The following RALGAPA1 variants were observed in gnomAD, a reference collection of about 807,000 sequenced individuals.
RALGAPA1 encodes Ral GTPase activating protein catalytic subunit alpha 1, also known as ral GTPase-activating protein subunit alpha-1.
RALGAPA1 carries 52 observed loss-of-function variants against 269.6 expected under a neutral mutation model. The ratio of observed to expected loss-of-function variants is 0.19; its 90% CI spans 0.15 to 0.24. RALGAPA1 has a LOEUF of 0.24. RALGAPA1 is among the 10% of genes least tolerant of loss of function. RALGAPA1 has a pLI of 1.00. For synonymous variants in RALGAPA1, 817 were observed against 1,008.3 expected, an observed-to-expected ratio of 0.81 and a Z score of 3.60; for missense variants, 1,917 against 3,013.9, an observed-to-expected ratio of 0.64 and a Z score of 8.52.
At chr14:35,683,692 T>G (rs2065665114) in intron 21 of RALGAPA1, 117 bp downstream of exon 21, 2 of 781,762 alleles carry the variant, frequency 2.6e-6, no homozygotes, top group Non-Finnish European at 3.9e-6. Flanking sequence ...TAAAGATGAA[T>G]GAAAAAATAT....
At position 35,557,423 on chromosome 14, in the gene RALGAPA1, CA is replaced by C. The variant is rs557748814; in HGVS notation, c.7497-8190del. Among the ~76,000 whole-genome samples, 95 of 151,502 alleles carry C rather than the reference CA, an allele frequency of 6.3e-4. 1 individual carries two copies. The highest frequency in any genetic ancestry group is 2.2e-3 in the African/African-American group (93 of 41,342). ...TTAAGTGCTATAATTATTGGGAATA[CA>C]AAAAAAGTGATTTTATTATCATAGT... On this transcript the variant is annotated intron_variant, in intron 39 of 41. Coordinates refer to ENST00000680220, the MANE Select transcript of RALGAPA1 (RefSeq NM_001346249.2).
At chr14:35,652,936 C>T (rs974739141) in intron 30 of RALGAPA1, among the ~76,000 whole-genome samples, 1 of 152,084 alleles carries the variant, frequency 6.6e-6, no homozygotes, top group South Asian at 2.1e-4. Flanking sequence ...GTATTGTATG[C>T]TATTACATTT....
chr14:35,603,772 CAT>C (rs2059424030), intron 36 of RALGAPA1, among the ~76,000 whole-genome samples: 1 of 151,990 alleles, frequency 6.6e-6, no homozygotes. Context: ...TGTTCTCACT[CAT>C]ATGTGGGAGC....
At chr14:35,542,407 T>G (rs2054095826) in intron 41 of RALGAPA1, 1 of 157,056 alleles carries the variant, frequency 6.4e-6, no homozygotes, top group Non-Finnish European at 1.4e-5. Context: ...AATATTTTCC[T>G]CAAAAACAAT....
intron 11 of RALGAPA1, among the ~76,000 whole-genome samples, chr14:35,739,810 C>T (rs1217879124): frequency 6.6e-6 from 1 of 152,156 alleles, no homozygotes; most frequent in Non-Finnish European, 1.5e-5. Context: ...TACAGACTGA[C>T]CTACAATCTA....
intron 41 of RALGAPA1, among the ~76,000 whole-genome samples, chr14:35,541,504 A>C (rs866561837): frequency 2.6e-5 from 4 of 152,124 alleles, no homozygotes; most frequent in South Asian, 2.1e-4. Context: ...CTGGCCTTCA[A>C]AATACAAGGA....
chr14:35,803,236 G>A (rs2077105417), intron 1 of RALGAPA1, among the ~76,000 whole-genome samples: 2 of 152,180 alleles, frequency 1.3e-5, no homozygotes, highest in South Asian at 4.1e-4. Flanking sequence ...AAGTACAAAG[G>A]CAATTCAGTA....
At chr14:35,574,192 A>G (rs775797474) in intron 37 of RALGAPA1, among the ~76,000 whole-genome samples, 2 of 152,220 alleles carry the variant, frequency 1.3e-5, no homozygotes, top group Admixed American at 1.3e-4. Context: ...AAGACAAGAC[A>G]ACTGAAATAA....
At chr14:35,770,182 G>C (rs1189214182) in intron 4 of RALGAPA1, among the ~76,000 whole-genome samples, 1 of 152,018 alleles carries the variant, frequency 6.6e-6, no homozygotes, top group Admixed American at 6.5e-5. Context: ...GATAATGATC[G>C]CATCAATAGA....
chr14:35,704,453 G>A (rs911430348), intron 16 of RALGAPA1, among the ~76,000 whole-genome samples: 1 of 151,914 alleles, frequency 6.6e-6, no homozygotes, highest in Admixed American at 6.6e-5. Context: ...TTTAAATGCA[G>A]GTAAGTTCCC....
intron 37 of RALGAPA1, among the ~76,000 whole-genome samples, chr14:35,582,002 G>C (rs1309536525): frequency 6.6e-6 from 1 of 151,976 alleles, no homozygotes; most frequent in Non-Finnish European, 1.5e-5. Context: ...CAGATGAATG[G>C]GTAAACAAAA....
At chr14:35,804,210 C>T (rs1054584419) in intron 1 of RALGAPA1, among the ~76,000 whole-genome samples, 1 of 151,830 alleles carries the variant, frequency 6.6e-6, no homozygotes, top group Non-Finnish European at 1.5e-5. Flanking sequence ...TGCAGTGAGC[C>T]AAGATCAAGC....
At chr14:35,658,737 G>C (rs999771937) in intron 28 of RALGAPA1, among the ~76,000 whole-genome samples, 1 of 150,766 alleles carries the variant, frequency 6.6e-6, no homozygotes, top group African/African-American at 2.4e-5. Flanking sequence ...TATTTTCTTA[G>C]ATATATTACT....
intron 7 of RALGAPA1, among the ~76,000 whole-genome samples, chr14:35,752,439 C>T (rs928835362): frequency 1.3e-5 from 2 of 152,130 alleles, no homozygotes. Context: ...AAAGTTCTTT[C>T]CCTTTTGCCC....
At position 35,627,284 on chromosome 14, in the gene RALGAPA1, T is replaced by C. The variant is rs765172895; in HGVS notation, c.6663A>G (p.Glu2221=). 6.2e-7 allele frequency: 1 copy of C among 1,608,772 alleles called. No individual in the cohort carries two copies. Residue 2221 remains glutamate (E), a synonymous_variant, in exon 34 of 42, where the codon GAA becomes GAG. Coordinates refer to ENST00000680220, the MANE Select transcript of RALGAPA1 (RefSeq NM_001346249.2). The part of the protein sequence containing the change: ...IPAPQPVCIS[E]KQENDVINAI... ...CATTAATAACATCATTTTCTTGTTT[T>C]TCAGAAATGCACACAGGTTGTGGAG...
chr14:35,552,571 G>T (rs2055126052), intron 39 of RALGAPA1, among the ~76,000 whole-genome samples: 2 of 152,048 alleles, frequency 1.3e-5, no homozygotes, highest in Admixed American at 1.3e-4. Context: ...AAAAAATTCA[G>T]AACAAAAATT....
At position 35,561,249 on chromosome 14, in the gene RALGAPA1, A is replaced by T. The variant is rs867800576; in HGVS notation, c.7496+9368T>A. Reference sequence around the variant, plus strand: ...CTCAAAAAAAAAAAAAAAAAAAAAAAAAATACAGTAACATCATCAACAGGC... The same window carrying T: ...CTCAAAAAAAAAAAAAAAAAAAAAATAAATACAGTAACATCATCAACAGGC... On this transcript the variant is annotated intron_variant, in intron 39 of 41. Coordinates refer to ENST00000680220, the MANE Select transcript of RALGAPA1 (RefSeq NM_001346249.2). Among the ~76,000 whole-genome samples, 735 of 150,242 alleles carry T rather than the reference A, an allele frequency of 4.9e-3. 10 individuals carry two copies. The highest frequency in any genetic ancestry group is 0.018 in the African/African-American group (713 of 40,668).
chr14:35,620,753 C>T lies in RALGAPA1; in HGVS notation c.6929+4608G>A, dbSNP rs561051985. Among the ~76,000 whole-genome samples, 6 of 152,276 alleles carry T rather than the reference C, an allele frequency of 3.9e-5. No individual in the cohort carries two copies. In the South Asian group the frequency reaches 1.2e-3, roughly 32 times the overall value. ...AAGAGAGTCAAATCATGAGTGAACTCCCATTCACAATTGCTACAAAGAGAA... is the reference window on the plus strand; with the variant it reads ...AAGAGAGTCAAATCATGAGTGAACTTCCATTCACAATTGCTACAAAGAGAA... On this transcript the variant is annotated intron_variant, in intron 35 of 41. Transcript: ENST00000680220.
chr14:35,622,555 C>T (rs1315192198), intron 35 of RALGAPA1, among the ~76,000 whole-genome samples: 1 of 151,634 alleles, frequency 6.6e-6, no homozygotes, highest in Non-Finnish European at 1.5e-5. Flanking sequence ...AATGTGCCCA[C>T]AAAAATAAAA....
Sources: allele counts gnomAD v4.1 joint callset (sites outside exome capture counted in the v4.1 genomes callset), GRCh38; gene constraint gnomAD v4.1.1; transcripts MANE v1.5; gene names NCBI Gene and HGNC (gene_info 2026-07-23, HGNC 2026-07-21).